The following LMNTD1 variants were observed in gnomAD, a reference collection of about 807,000 sequenced individuals.
LMNTD1 encodes the protein lamin tail domain containing 1, also known as lamin tail domain-containing protein 1.
LMNTD1 carries 35 observed loss-of-function variants against 50.9 expected under a neutral mutation model. That is an observed-to-expected ratio of 0.69 (90% CI 0.53 to 0.91). LMNTD1 has a LOEUF of 0.91. Ranked by LOEUF, LMNTD1 falls within the 40% of genes least tolerant of loss-of-function variation. The probability of loss-of-function intolerance (pLI) is 0.00; values close to 1 mark genes in which losing one functional copy is unlikely to be tolerated. For missense variants in LMNTD1, 470 were observed against 475.5 expected (o/e 0.99, Z 0.11); for synonymous variants, 153 against 161.9 (o/e 0.94, Z 0.42).
At chr12:25,484,589 G>A (rs996854304) in intron 9 of LMNTD1, among the ~76,000 whole-genome samples, 1 of 150,524 alleles carries the variant, frequency 6.6e-6, no homozygotes, top group Admixed American at 6.6e-5. Flanking sequence ...GTGCCGTGCT[G>A]GTGCGCTGCA....
chr12:25,545,346 T>C (rs996031778), intron 4 of LMNTD1, among the ~76,000 whole-genome samples: 1 of 151,674 alleles, frequency 6.6e-6, no homozygotes, highest in Non-Finnish European at 1.5e-5. Flanking sequence ...CTCTCACAGT[T>C]TTTAGCTTCT....
intron 9 of LMNTD1, among the ~76,000 whole-genome samples, chr12:25,489,493 C>T (rs981977251): frequency 5.6e-5 from 8 of 141,804 alleles, no homozygotes; most frequent in Middle Eastern, 3.6e-3. Flanking sequence ...GGCTCGCGCA[C>T]GGTGCGCGCA....
chr12:25,617,484 G>A (rs1263219217), intron 1 of LMNTD1, among the ~76,000 whole-genome samples: 4 of 152,134 alleles, frequency 2.6e-5, no homozygotes. Flanking sequence ...CAGCTTATCC[G>A]TGGTAATAGA....
intron 1 of LMNTD1, among the ~76,000 whole-genome samples, chr12:25,620,627 C>A (rs149674943): frequency 2.9e-4 from 44 of 152,280 alleles, no homozygotes; most frequent in Middle Eastern, 3.4e-3. Context: ...GAGTTTCTCA[C>A]AGAGCAGGGC....
chr12:25,611,815 G>T (rs1054593999), intron 1 of LMNTD1, among the ~76,000 whole-genome samples: 1 of 152,198 alleles, frequency 6.6e-6, no homozygotes, highest in African/African-American at 2.4e-5. Context: ...GCATTCAAAA[G>T]TTAGATTAGA....
intron 1 of LMNTD1, among the ~76,000 whole-genome samples, chr12:25,637,551 A>G (rs1237787574): frequency 1.3e-5 from 2 of 152,176 alleles, no homozygotes; most frequent in Non-Finnish European, 2.9e-5. Context: ...AGATTGATAG[A>G]CATTATGCAA....
At chr12:25,576,433 G>A (rs1262948213) in intron 1 of LMNTD1, among the ~76,000 whole-genome samples, 7 of 152,154 alleles carry the variant, frequency 4.6e-5, no homozygotes, top group African/African-American at 1.7e-4. Context: ...GCATTTCTCT[G>A]ATGGCCAGTG....
intron 2 of LMNTD1, 91 bp downstream of exon 2, chr12:25,552,780 G>A: frequency 4.0e-6 from 3 of 757,424 alleles, no homozygotes; most frequent in Non-Finnish European, 6.8e-6. Context: ...TGGTTCATAA[G>A]AGTATTGAAA....
intron 9 of LMNTD1, among the ~76,000 whole-genome samples, chr12:25,501,052 C>G (rs1198121867): frequency 6.6e-6 from 1 of 152,154 alleles, no homozygotes; most frequent in African/African-American, 2.4e-5. Context: ...TGCAGTGGTG[C>G]AATCTCAGCT....
chr12:25,603,021 C>A (rs1334326458), intron 1 of LMNTD1, among the ~76,000 whole-genome samples: 1 of 151,968 alleles, frequency 6.6e-6, no homozygotes, highest in African/African-American at 2.4e-5. Context: ...CTATAAAGTT[C>A]AGGAAGAAAT....
chr12:25,556,193 G>C (rs1297310510), upstream of LMNTD1, among the ~76,000 whole-genome samples: 1 of 152,082 alleles, frequency 6.6e-6, no homozygotes, highest in Non-Finnish European at 1.5e-5. Flanking sequence ...GGCTGGTCTT[G>C]AACTCCCGAC....
At chr12:25,600,067 C>T (rs1269263082) in intron 1 of LMNTD1, among the ~76,000 whole-genome samples, 1 of 151,992 alleles carries the variant, frequency 6.6e-6, no homozygotes, top group Middle Eastern at 3.4e-3. Flanking sequence ...GCTATAGTAA[C>T]CAAAACAGCA....
chr12:25,627,273 A>G (rs139496666), intron 1 of LMNTD1, among the ~76,000 whole-genome samples: 1 of 152,150 alleles, frequency 6.6e-6, no homozygotes, highest in Non-Finnish European at 1.5e-5. Flanking sequence ...GCATCCATGG[A>G]GGGAGGTTTG....
At chr12:25,648,487 C>T (rs1036749894) in intron 1 of LMNTD1, 5 of 1,550,768 alleles carry the variant, frequency 3.2e-6, no homozygotes, top group African/African-American at 2.7e-5. Context: ...ATTCATTTCT[C>T]ACTTACTGTG....
chr12:25,617,178 C>A (rs942386840), intron 1 of LMNTD1, among the ~76,000 whole-genome samples: 4 of 152,174 alleles, frequency 2.6e-5, no homozygotes, highest in African/African-American at 7.2e-5. Flanking sequence ...CTAATATTGA[C>A]TTTAATTAGC....
At chr12:25,585,500 T>A (rs982016626) in intron 1 of LMNTD1, among the ~76,000 whole-genome samples, 8 of 152,228 alleles carry the variant, frequency 5.3e-5, no homozygotes, top group South Asian at 2.1e-4. Flanking sequence ...TCAAGGGAGA[T>A]ATTTTCAGCA....
chr12:25,635,893 C>T (rs1946823114), intron 1 of LMNTD1, among the ~76,000 whole-genome samples: 1 of 152,182 alleles, frequency 6.6e-6, no homozygotes, highest in Non-Finnish European at 1.5e-5. Context: ...AAAGGACACC[C>T]TTTTCAACAA....
At chr12:25,531,119 T>C (rs536704426) in intron 4 of LMNTD1, among the ~76,000 whole-genome samples, 37 of 152,258 alleles carry the variant, frequency 2.4e-4, no homozygotes, top group Admixed American at 8.5e-4. Context: ...CAGCAAGGAA[T>C]TGAATTTGGC....
At chr12:25,479,351 C>A (rs1938369741) in intron 9 of LMNTD1, among the ~76,000 whole-genome samples, 1 of 152,122 alleles carries the variant, frequency 6.6e-6, no homozygotes, top group Admixed American at 6.5e-5. Flanking sequence ...CTACTTCTAC[C>A]CCTTGATTCC....
Sources: allele counts gnomAD v4.1 joint callset (sites outside exome capture counted in the v4.1 genomes callset), GRCh38; gene constraint gnomAD v4.1.1; transcripts MANE v1.5; gene names NCBI Gene and HGNC (gene_info 2026-07-23, HGNC 2026-07-21).